Variants in BRWD3 observed in about 807,000 individuals in gnomAD.
BRWD3 encodes the protein bromodomain and WD repeat-containing protein 3.
BRWD3 carries 10 observed loss-of-function variants against 149.7 expected under a neutral mutation model. The ratio of observed to expected loss-of-function variants is 0.07; its 90% CI spans 0.04 to 0.11. The LOEUF is 0.11. Among genes scored for constraint, BRWD3 ranks in the 10% least tolerant of loss-of-function variants. The pLI, the probability that BRWD3 is intolerant of heterozygous loss-of-function variation, is 1.00. For synonymous variants in BRWD3, 504 were observed against 456.7 expected (o/e 1.10, Z -1.32); for missense variants, 940 against 1,373.2 (o/e 0.68, Z 4.99).
At chrX:80,696,659 C>A in intron 26 of BRWD3, 80 bp downstream of exon 26, 1 of 1,084,281 alleles carries the variant, frequency 9.2e-7, no homozygotes. Flanking sequence ...TTTTCTCTCC[C>A]ATTGAGCACT....
intron 6 of BRWD3, among the ~76,000 whole-genome samples, chrX:80,768,223 G>A (rs185279570): frequency 9.0e-6 from 1 of 110,913 alleles, no homozygotes; most frequent in East Asian, 2.8e-4. Flanking sequence ...TCAGGAAATA[G>A]AGAGACCACC....
In BRWD3 at chrX:80,756,502, C is replaced by CAAAAA. The variant is rs974549325; in HGVS notation, c.431-10778_431-10774dup. ...GGGCAACAAGAGCGAAACTCTGTCT[C>CAAAAA]AAAAAAAAAAAAAAAAAAAAAAAGA... On this transcript the variant is annotated intron_variant, in intron 6 of 40. Transcript: ENST00000373275. Among the ~76,000 whole-genome samples, 125 of 41,067 alleles carry CAAAAA rather than the reference C, an allele frequency of 3.0e-3. 2 individuals are homozygous for CAAAAA. Among genetic ancestry groups the CAAAAA allele is most frequent in the East Asian group, 5.2e-3 (5 of 970 alleles). The allele number at this position is 41,067 out of a possible 115,157, so 35.7% of individuals were successfully genotyped here.
chrX:80,688,994 T>TA (rs60485182), intron 33 of BRWD3, among the ~76,000 whole-genome samples: 1 of 107,540 alleles, frequency 9.3e-6, no homozygotes, highest in African/African-American at 3.4e-5. Flanking sequence ...ATGAAAAAAA[T>TA]AAAAAAAAAC....
chrX:80,753,227 T>C (rs2073692698), intron 6 of BRWD3, among the ~76,000 whole-genome samples: 2 of 110,277 alleles, frequency 1.8e-5, no homozygotes, highest in Non-Finnish European at 3.8e-5. Context: ...AGGACTTCAG[T>C]AAGTCCCATT....
intron 6 of BRWD3, among the ~76,000 whole-genome samples, chrX:80,771,445 C>A (rs2073942777): frequency 9.0e-6 from 1 of 111,289 alleles, no homozygotes; most frequent in Non-Finnish European, 1.9e-5. Flanking sequence ...GAAATAACAC[C>A]ACACATCTAC....
intron 14 of BRWD3, among the ~76,000 whole-genome samples, chrX:80,725,583 C>A (rs755910287): frequency 8.9e-6 from 1 of 112,358 alleles, no homozygotes; most frequent in South Asian, 3.6e-4. Context: ...AAATACATTT[C>A]CTGCTAAAAA....
rs781321468 is a variant in BRWD3 at position 80,809,317 on chromosome X, G to A, written c.32-13C>T. ...AGGTAATACAGCTCTGGGGAAGAGGGGGGAAAAGAGGTTCAGAGGGAGGTA... is the reference window on the plus strand; with the variant it reads ...AGGTAATACAGCTCTGGGGAAGAGGAGGGAAAAGAGGTTCAGAGGGAGGTA... On this transcript the variant is annotated splice_polypyrimidine_tract_variant and intron_variant, in intron 1 of 40. Transcript: ENST00000373275. The A allele has an allele frequency of 6.4e-5, 76 of 1,184,263 alleles. No individual in the cohort carries two copies. In the East Asian group the frequency reaches 2.0e-3, roughly 31 times the overall value.
At chrX:80,749,710 A>G (rs955702157) in intron 6 of BRWD3, among the ~76,000 whole-genome samples, 1 of 111,181 alleles carries the variant, frequency 9.0e-6, no homozygotes, top group African/African-American at 3.3e-5. Flanking sequence ...TGAAAATTTC[A>G]ATGACATTTT....
In BRWD3 at chrX:80,672,015, A is replaced by G. The variant is rs2072326730; in HGVS notation, c.*4594T>C. On this transcript the variant is annotated 3_prime_UTR_variant, in exon 41 of 41. Transcript: ENST00000373275. The stretch of plus-strand genomic sequence containing the variant: ...TTTTTGCATATCATTTTAAAATTCA[A>G]TTACCAATGGTGGTTTCATTATGTA... 1 of 111,926 alleles carries G rather than the reference A, an allele frequency of 8.9e-6. No homozygotes were observed. Among genetic ancestry groups the G allele is most frequent in the Non-Finnish European group, 1.9e-5 (1 of 53,205 alleles). 9.2% of individuals were successfully genotyped at this position (111,926 alleles called of 1,213,427 possible). A position where few individuals can be genotyped will look rare whatever the true frequency, so the allele number is the denominator to read the frequency against.
At chrX:80,808,027 C>A (rs2074365975) in intron 4 of BRWD3, among the ~76,000 whole-genome samples, 1 of 106,858 alleles carries the variant, frequency 9.4e-6, no homozygotes, top group Non-Finnish European at 1.9e-5. Context: ...CCGTCAATTC[C>A]CCTCCAGAGC....
intron 15 of BRWD3, 108 bp downstream of exon 15, chrX:80,724,825 C>T: frequency 1.1e-6 from 1 of 885,491 alleles, no homozygotes; most frequent in Non-Finnish European, 1.6e-6. Flanking sequence ...CCAATTTAAA[C>T]ACATATGACA....
chrX:80,732,793 C>G (rs1237277008), intron 12 of BRWD3, among the ~76,000 whole-genome samples: 1 of 111,713 alleles, frequency 9.0e-6, no homozygotes, highest in African/African-American at 3.3e-5. Flanking sequence ...CAGGCTAAGA[C>G]ATTTGAATTA....
chrX:80,725,973 CAT>C lies in BRWD3; in HGVS notation c.1387-908_1387-907del, dbSNP rs748679982. 8.5e-5 allele frequency among the ~76,000 whole-genome samples: 9 copies of C among 106,474 alleles called. No individual in the cohort carries two copies. In the South Asian group the frequency reaches 2.1e-3, roughly 25 times the overall value. 92.5% of individuals were successfully genotyped at this position (106,474 alleles called of 115,157 possible). On this transcript the variant is annotated intron_variant, in intron 14 of 40. Coordinates refer to ENST00000373275, the MANE Select transcript of BRWD3 (RefSeq NM_153252.5). ...GTCTATATAACACATAACATGTTTA[CAT>C]GTTATATGTCTATATAACATAACAT...
At chrX:80,686,424 A>AAT (rs771659765) in intron 35 of BRWD3, among the ~76,000 whole-genome samples, 4,025 of 105,472 alleles carry the variant, frequency 0.038, 122 homozygotes, top group Admixed American at 0.13. Context: ...AGTATAATAA[A>AAT]ATATATATAT....
At chrX:80,686,347 A>G (rs1602304068) in intron 35 of BRWD3, among the ~76,000 whole-genome samples, 1 of 109,222 alleles carries the variant, frequency 9.2e-6, no homozygotes, top group African/African-American at 3.3e-5. Context: ...ACACCAACAC[A>G]CCAACATGGC....
chrX:80,691,763 C>G, intron 30 of BRWD3, 60 bp downstream of exon 30: 1 of 1,182,061 alleles, frequency 8.5e-7, no homozygotes, highest in Non-Finnish European at 1.1e-6. Context: ...GAACTTAAAA[C>G]TTCTGCTGAT....
chrX:80,716,136 G>C, intron 20 of BRWD3, 21 bp downstream of exon 20: 1 of 1,134,297 alleles, frequency 8.8e-7, no homozygotes, highest in Non-Finnish European at 1.2e-6. Context: ...GTATCCCAAA[G>C]TATTGTAAAA....
Position 80,703,624 on chromosome X carries a change from A to G in BRWD3, c.2722-31T>C, listed in dbSNP as rs368924482. 327 of 1,021,398 alleles carry G rather than the reference A, an allele frequency of 3.2e-4. 1 individual carries two copies. Among genetic ancestry groups the G allele is most frequent in the Middle Eastern group, 7.8e-4 (3 of 3,870 alleles). 84.2% of individuals were successfully genotyped at this position (1,021,398 alleles called of 1,213,427 possible). On this transcript the variant is annotated intron_variant, in intron 23 of 40. Coordinates refer to ENST00000373275, the MANE Select transcript of BRWD3 (RefSeq NM_153252.5). ...ACATAAATACACGAAAAGTATATGT[A>G]TAAAACACAGTTCTCCAATACATAA...
chrX:80,767,464 CCTAA>C (rs1430098750), intron 6 of BRWD3, among the ~76,000 whole-genome samples: 1 of 111,156 alleles, frequency 9.0e-6, no homozygotes, highest in Non-Finnish European at 1.9e-5. Context: ...CAGCTGAGGA[CCTAA>C]CTGTTAGAAG....
Sources: gnomAD v4.1 joint callset for allele counts (sites outside exome capture counted in the v4.1 genomes callset) on GRCh38, gnomAD v4.1.1 for gene constraint, MANE v1.5 for transcripts, NCBI Gene and HGNC (gene_info 2026-07-23, HGNC 2026-07-21) for gene names.